Variants in ATP8A2 observed in about 807,000 individuals in gnomAD.
The protein encoded by ATP8A2 is phospholipid-transporting ATPase IB.
ATP8A2 carries 100 observed loss-of-function variants against 165.6 expected under a neutral mutation model. The observed-to-expected ratio is 0.60, with a 90% CI of 0.51 to 0.71. The LOEUF is 0.71. Among genes scored for constraint, ATP8A2 ranks in the 30% least tolerant of loss-of-function variants. The probability of loss-of-function intolerance (pLI) is 0.00; values close to 1 mark genes in which losing one functional copy is unlikely to be tolerated. For synonymous variants in ATP8A2, 543 were observed against 548.8 expected (o/e 0.99, Z 0.15); for missense variants, 1,227 against 1,479.5 (o/e 0.83, Z 2.80).
intron 33 of ATP8A2, among the ~76,000 whole-genome samples, chr13:25,955,292 A>G (rs947614744): frequency 4.6e-5 from 7 of 152,170 alleles, no homozygotes; most frequent in African/African-American, 1.7e-4. Context: ...AACTGAAGGA[A>G]ATGGAGACAT....
intron 1 of ATP8A2, among the ~76,000 whole-genome samples, chr13:25,431,507 G>A (rs974335715): frequency 6.6e-6 from 1 of 151,738 alleles, no homozygotes; most frequent in African/African-American, 2.4e-5. Flanking sequence ...GGCGGCGGGG[G>A]GGGAATCTCA....
chr13:25,557,574 G>A lies in ATP8A2; in HGVS notation c.1264-1399G>A, dbSNP rs555180886. Among the ~76,000 whole-genome samples the A allele has an allele frequency of 2.0e-5, 3 of 152,264 alleles. No individual in the cohort carries two copies. In the East Asian group the frequency reaches 5.8e-4, roughly 29 times the overall value. On this transcript the variant is annotated intron_variant, in intron 13 of 36. Coordinates refer to ENST00000381655, the MANE Select transcript of ATP8A2 (RefSeq NM_016529.6). Reference sequence around the variant, plus strand: ...TCCAAACATAAATACAGTAAAATAAGGGGTATGAGTGATGTAGTGTCCATT... The same window carrying A: ...TCCAAACATAAATACAGTAAAATAAAGGGTATGAGTGATGTAGTGTCCATT...
intron 24 of ATP8A2, among the ~76,000 whole-genome samples, chr13:25,646,178 T>G (rs2137598521): frequency 6.6e-6 from 1 of 152,340 alleles, no homozygotes; most frequent in South Asian, 2.1e-4. Flanking sequence ...CTTCTTTGTC[T>G]CTTTTTCTAG....
rs138229553 is a variant in ATP8A2 at position 25,943,541 on chromosome 13, A to C, written c.3184-18034A>C. On this transcript the variant is annotated intron_variant, in intron 33 of 36. Coordinates refer to ENST00000381655, the MANE Select transcript of ATP8A2 (RefSeq NM_016529.6). The stretch of plus-strand genomic sequence containing the variant: ...AAGATAGCCTAGGTGTCTAGTGTGC[A>C]ATCCCATCTAGGTTTGTGTCAGTAC... Among the ~76,000 whole-genome samples the C allele has an allele frequency of 5.9e-5, 9 of 152,346 alleles. No individual in the cohort carries two copies. In the East Asian group the frequency reaches 1.7e-3, roughly 29 times the overall value.
chr13:25,864,641 A>G (rs944335230), intron 33 of ATP8A2, among the ~76,000 whole-genome samples: 1 of 152,218 alleles, frequency 6.6e-6, no homozygotes, highest in African/African-American at 2.4e-5. Context: ...GTAAAAGCTT[A>G]TTTTTCTTTA....
intron 24 of ATP8A2, among the ~76,000 whole-genome samples, chr13:25,659,367 G>A (rs2042001917): frequency 6.6e-6 from 1 of 152,216 alleles, no homozygotes; most frequent in Non-Finnish European, 1.5e-5. Flanking sequence ...ATTAGAGTTT[G>A]CTGCCAAGTC....
chr13:25,502,456 T>G (rs1593411944), intron 2 of ATP8A2, among the ~76,000 whole-genome samples: 1 of 152,304 alleles, frequency 6.6e-6, no homozygotes, highest in Non-Finnish European at 1.5e-5. Flanking sequence ...CTGTGGAGGG[T>G]GTCCCTTATT....
intron 27 of ATP8A2, among the ~76,000 whole-genome samples, chr13:25,793,853 C>G (rs1407973748): frequency 6.6e-6 from 1 of 152,060 alleles, no homozygotes; most frequent in Non-Finnish European, 1.5e-5. Flanking sequence ...CATTTTGAAT[C>G]TTTTTACTTT....
intron 24 of ATP8A2, among the ~76,000 whole-genome samples, chr13:25,652,078 A>G (rs1183402043): frequency 6.6e-6 from 1 of 152,154 alleles, no homozygotes; most frequent in Non-Finnish European, 1.5e-5. Flanking sequence ...CAGCTTTATG[A>G]TAGAATCACC....
chr13:25,423,945 T>C (rs1380854121), intron 1 of ATP8A2, among the ~76,000 whole-genome samples: 1 of 152,098 alleles, frequency 6.6e-6, no homozygotes, highest in East Asian at 1.9e-4. Flanking sequence ...GGGCAAAGTT[T>C]AAAGAGGGAT....
intron 33 of ATP8A2, among the ~76,000 whole-genome samples, chr13:25,946,272 C>T (rs1044488222): frequency 5.9e-5 from 9 of 152,102 alleles, no homozygotes; most frequent in South Asian, 4.1e-4. Context: ...CATGTCCCCA[C>T]GGGGACATCT....
chr13:25,642,080 C>G (rs1458786294), intron 24 of ATP8A2, among the ~76,000 whole-genome samples: 2 of 152,160 alleles, frequency 1.3e-5, no homozygotes, highest in Admixed American at 1.3e-4. Context: ...CCTTTCCTTA[C>G]ACCTTATAGA....
chr13:25,483,934 A>C (rs1181368715), intron 2 of ATP8A2, among the ~76,000 whole-genome samples: 1 of 152,216 alleles, frequency 6.6e-6, no homozygotes, highest in Non-Finnish European at 1.5e-5. Flanking sequence ...GGAAAAGGGA[A>C]GTGGACTTGC....
At chr13:25,560,613 T>G (rs1232524995) in intron 15 of ATP8A2, among the ~76,000 whole-genome samples, 2 of 134,612 alleles carry the variant, frequency 1.5e-5, no homozygotes, top group East Asian at 4.4e-4. Context: ...GGCAGGAGAA[T>G]CAGTTGAACC....
intron 24 of ATP8A2, among the ~76,000 whole-genome samples, chr13:25,668,542 C>A (rs1469491754): frequency 6.6e-6 from 1 of 152,068 alleles, no homozygotes; most frequent in Non-Finnish European, 1.5e-5. Context: ...GTTTGTTGAG[C>A]TTTGTGGATA....
chr13:25,501,641 T>G (rs1373691446), intron 2 of ATP8A2, among the ~76,000 whole-genome samples: 1 of 152,162 alleles, frequency 6.6e-6, no homozygotes, highest in Non-Finnish European at 1.5e-5. Context: ...TAAGAAAACA[T>G]AGTTATTACA....
chr13:25,835,064 A>T (rs537600698), intron 28 of ATP8A2, among the ~76,000 whole-genome samples: 14 of 152,106 alleles, frequency 9.2e-5, no homozygotes, highest in Non-Finnish European at 1.6e-4. Flanking sequence ...TAGCATGGTG[A>T]TGAAGGGCAG....
chr13:25,559,226 A>G (rs2039070617), intron 14 of ATP8A2, among the ~76,000 whole-genome samples, 165 bp downstream of exon 14: 1 of 152,236 alleles, frequency 6.6e-6, no homozygotes, highest in Non-Finnish European at 1.5e-5. Context: ...TTAAACTCTG[A>G]ACAGTTAAAA....
rs947309983 is a variant in ATP8A2 at position 25,640,037 on chromosome 13, G to T, written c.2211+50338G>T. On this transcript the variant is annotated intron_variant, in intron 24 of 36. Transcript: ENST00000381655. The stretch of plus-strand genomic sequence containing the variant: ...ATAACAAAATGAAGGCAGAAATAAA[G>T]ATGTTCTTTGAAACCAATGAGAACA... Among the ~76,000 whole-genome samples the T allele has an allele frequency of 5.1e-4, 78 of 152,276 alleles. 1 individual carries two copies. Among genetic ancestry groups the T allele is most frequent in the African/African-American group, 1.8e-3 (75 of 41,550 alleles).
Sources: gnomAD v4.1 joint callset for allele counts (sites outside exome capture counted in the v4.1 genomes callset) on GRCh38, gnomAD v4.1.1 for gene constraint, MANE v1.5 for transcripts, NCBI Gene and HGNC (gene_info 2026-07-23, HGNC 2026-07-21) for gene names.